RBFOX1: variants seen among roughly 807,000 people sequenced by gnomAD.
The protein encoded by RBFOX1 is RNA binding protein fox-1 homolog 1.
RBFOX1 carries 8 observed loss-of-function variants against 57.7 expected under a neutral mutation model. The ratio of observed to expected loss-of-function variants is 0.14; its 90% CI spans 0.08 to 0.25. RBFOX1 has a LOEUF of 0.25. Among genes scored for constraint, RBFOX1 ranks in the 10% least tolerant of loss-of-function variants. The probability of loss-of-function intolerance (pLI) is 1.00; values close to 1 mark genes in which losing one functional copy is unlikely to be tolerated. For missense variants in RBFOX1, 611 were observed against 548.5 expected (o/e 1.11, Z -1.14); for synonymous variants, 326 against 222.4 (o/e 1.47, Z -4.15).
chr16:5,582,142 A>C (rs1282130341), intron 2 of RBFOX1, among the ~76,000 whole-genome samples: 1 of 152,208 alleles, frequency 6.6e-6, no homozygotes, highest in African/African-American at 2.4e-5. Flanking sequence ...CCCTAATCCC[A>C]GGGACTTGTA....
chr16:6,859,165 G>GTATATATATACGTA (rs749806270), intron 3 of RBFOX1, among the ~76,000 whole-genome samples: 4 of 54,030 alleles, frequency 7.4e-5, no homozygotes, highest in African/African-American at 1.2e-4. Context: ...ATATATATAC[G>GTATATATATACGTA]TATATATATG....
chr16:7,656,316 T>C lies in RBFOX1; in HGVS notation c.890+2369T>C, dbSNP rs543780681. ...TGAATTGGCACGGAATGAAAAACTT[T>C]GAGGCCACCATCTTAGAGGTTTCCT... On this transcript the variant is annotated intron_variant, in intron 12 of 15. Coordinates refer to ENST00000550418, the MANE Select transcript of RBFOX1 (RefSeq NM_018723.4). Among the ~76,000 whole-genome samples the C allele has an allele frequency of 5.5e-4, 84 of 152,318 alleles. 2 individuals are homozygous for C. In the South Asian group the frequency reaches 0.017, roughly 31 times the overall value.
intron 5 of RBFOX1, among the ~76,000 whole-genome samples, chr16:7,567,619 C>A (rs1245142648): frequency 4.0e-5 from 1 of 25,122 alleles, no homozygotes; most frequent in African/African-American, 8.0e-5. Context: ...TTATATGGCC[C>A]TATATATATA....
At chr16:7,234,854 T>C (rs1257526617) in intron 4 of RBFOX1, among the ~76,000 whole-genome samples, 2 of 152,150 alleles carry the variant, frequency 1.3e-5, no homozygotes, top group Non-Finnish European at 2.9e-5. Context: ...TTTTTTAGCA[T>C]TTAATGGATA....
At chr16:6,205,793 T>C (rs2097251372) in intron 1 of RBFOX1, among the ~76,000 whole-genome samples, 1 of 139,950 alleles carries the variant, frequency 7.1e-6, no homozygotes, top group Non-Finnish European at 1.5e-5. Context: ...TTGGTTTGTT[T>C]AAGAGAAGAC....
chr16:6,159,750 G>T (rs910750755), intron 1 of RBFOX1, among the ~76,000 whole-genome samples: 1 of 152,082 alleles, frequency 6.6e-6, no homozygotes, highest in Non-Finnish European at 1.5e-5. Flanking sequence ...TAAAGATTTC[G>T]CAGGGATGTG....
chr16:6,808,709 T>C (rs1180033631), intron 3 of RBFOX1, among the ~76,000 whole-genome samples: 1 of 152,182 alleles, frequency 6.6e-6, no homozygotes, highest in East Asian at 1.9e-4. Context: ...CTCCAACCTC[T>C]GCCCCCAGGT....
chr16:6,996,561 A>G (rs577682210), intron 3 of RBFOX1, among the ~76,000 whole-genome samples: 1 of 152,316 alleles, frequency 6.6e-6, no homozygotes, highest in East Asian at 1.9e-4. Flanking sequence ...CTTTCCAAAT[A>G]TTTAACTCAT....
At chr16:5,458,696 A>C (rs2068703130) in intron 1 of RBFOX1, among the ~76,000 whole-genome samples, 1 of 152,188 alleles carries the variant, frequency 6.6e-6, no homozygotes, top group African/African-American at 2.4e-5. Flanking sequence ...GTTTTAAGGA[A>C]TTTTAAGTTT....
intron 4 of RBFOX1, among the ~76,000 whole-genome samples, chr16:5,940,885 C>T (rs569902221): frequency 6.6e-6 from 1 of 152,198 alleles, no homozygotes; most frequent in Admixed American, 6.5e-5. Flanking sequence ...ACATGTTGGG[C>T]TGTGTGTAAG....
intron 2 of RBFOX1, among the ~76,000 whole-genome samples, chr16:6,650,810 AG>A (rs2098583606): frequency 6.6e-6 from 1 of 152,198 alleles, no homozygotes; most frequent in African/African-American, 2.4e-5. Flanking sequence ...ATGCATCCGC[AG>A]AGAAAACCCC....
intron 4 of RBFOX1, among the ~76,000 whole-genome samples, chr16:7,300,635 C>G (rs1177936292): frequency 1.3e-5 from 2 of 151,712 alleles, no homozygotes. Flanking sequence ...AGTGGAATGT[C>G]TGCTATTTCA....
chr16:7,182,501 A>G (rs1047160342), intron 4 of RBFOX1, among the ~76,000 whole-genome samples: 3 of 152,182 alleles, frequency 2.0e-5, no homozygotes, highest in African/African-American at 7.2e-5. Context: ...ACCATTTTCT[A>G]GATATTTTAT....
intron 3 of RBFOX1, among the ~76,000 whole-genome samples, chr16:6,976,529 G>C (rs550868794): frequency 2.0e-5 from 3 of 151,848 alleles, no homozygotes; most frequent in African/African-American, 7.3e-5. Flanking sequence ...GTGAGTCCAC[G>C]GTGCAAACTA....
At chr16:6,472,755 T>C (rs1346326371) in intron 2 of RBFOX1, among the ~76,000 whole-genome samples, 2 of 152,082 alleles carry the variant, frequency 1.3e-5, no homozygotes, top group Non-Finnish European at 2.9e-5. Context: ...CCTGAGTAGT[T>C]GGGATTACAG....
intron 3 of RBFOX1, among the ~76,000 whole-genome samples, chr16:6,825,635 T>G (rs1019552780): frequency 1.3e-5 from 2 of 152,122 alleles, no homozygotes; most frequent in Non-Finnish European, 2.9e-5. Context: ...GGAGTGGGTA[T>G]TTATTCACCG....
At chr16:7,255,969 T>TTA (rs2094662925) in intron 4 of RBFOX1, among the ~76,000 whole-genome samples, 1 of 152,144 alleles carries the variant, frequency 6.6e-6, no homozygotes, top group African/African-American at 2.4e-5. Context: ...GATGGGGTGA[T>TTA]TATGTGTGTT....
chr16:6,821,229 C>G (rs1398256380), intron 3 of RBFOX1, among the ~76,000 whole-genome samples: 1 of 152,188 alleles, frequency 6.6e-6, no homozygotes, highest in African/African-American at 2.4e-5. Context: ...ACCCTTGTAG[C>G]TGTTTTAAAT....
chr16:5,360,044 G>T (rs1298983364), intron 1 of RBFOX1, among the ~76,000 whole-genome samples: 3 of 152,210 alleles, frequency 2.0e-5, no homozygotes, highest in Admixed American at 6.5e-5. Context: ...GCATTTGCTT[G>T]TTCAGAGAAC....
Sources: gnomAD v4.1 joint callset for allele counts (sites outside exome capture counted in the v4.1 genomes callset) on GRCh38, gnomAD v4.1.1 for gene constraint, MANE v1.5 for transcripts, NCBI Gene and HGNC (gene_info 2026-07-23, HGNC 2026-07-21) for gene names.